The following HCN1 variants were observed in gnomAD, a reference collection of about 807,000 sequenced individuals.
HCN1 encodes potassium/sodium hyperpolarization-activated cyclic nucleotide-gated channel 1.
Under a neutral mutation model 78.9 loss-of-function variants are expected in HCN1, and 13 were observed. The ratio of observed to expected loss-of-function variants is 0.16; its 90% CI spans 0.11 to 0.26. HCN1 has a LOEUF of 0.26. Among genes scored for constraint, HCN1 ranks in the 10% least tolerant of loss-of-function variants. The pLI is 1.00. For synonymous variants in HCN1, 552 were observed against 455.5 expected (o/e 1.21, Z -2.70); for missense variants, 810 against 1,154.3 (o/e 0.70, Z 4.32).
intron 3 of HCN1, among the ~76,000 whole-genome samples, chr5:45,412,739 C>T (rs2112057732): frequency 7.2e-6 from 1 of 139,564 alleles, no homozygotes; most frequent in African/African-American, 2.7e-5. Flanking sequence ...CAGTAGGGTT[C>T]AGGTTGATCC....
intron 6 of HCN1, among the ~76,000 whole-genome samples, chr5:45,283,828 A>G (rs1363330004): frequency 6.6e-6 from 1 of 152,198 alleles, no homozygotes; most frequent in East Asian, 1.9e-4. Flanking sequence ...TCTACTATAA[A>G]GACACATGCA....
chr5:45,293,310 T>C (rs1745417823), intron 6 of HCN1, among the ~76,000 whole-genome samples: 1 of 151,988 alleles, frequency 6.6e-6, no homozygotes, highest in South Asian at 2.1e-4. Flanking sequence ...TGAGATGTTA[T>C]CTCATTGTGG....
rs1305213668 is a variant in HCN1 at position 45,257,890 on chromosome 5, A to C, written c.*4031T>G. On this transcript the variant is annotated 3_prime_UTR_variant, in exon 8 of 8. Transcript: ENST00000303230. Reference sequence around the variant, plus strand: ...CCTTAAATTTTTGGCCATTGTTTTCAGGACTCAAAATAGCTCAGCATTCCA... The same window carrying C: ...CCTTAAATTTTTGGCCATTGTTTTCCGGACTCAAAATAGCTCAGCATTCCA... 6.7e-6 allele frequency: 1 copy of C among 149,164 alleles called. No homozygotes were observed. Among genetic ancestry groups the C allele is most frequent in the Non-Finnish European group, 1.5e-5 (1 of 67,874 alleles). The allele number at this position is 149,164 out of a possible 1,614,324, so 9.2% of individuals were successfully genotyped here.
chr5:45,562,382 T>A (rs1324586294), intron 2 of HCN1, among the ~76,000 whole-genome samples: 1 of 152,128 alleles, frequency 6.6e-6, no homozygotes, highest in East Asian at 1.9e-4. Context: ...AAAATTTAGG[T>A]AAATTCTAGC....
intron 2 of HCN1, among the ~76,000 whole-genome samples, chr5:45,494,678 C>A (rs1421227828): frequency 6.6e-6 from 1 of 151,704 alleles, no homozygotes; most frequent in Admixed American, 6.6e-5. Context: ...CTTGCCCATG[C>A]CTATGTCCTG....
intron 5 of HCN1, among the ~76,000 whole-genome samples, chr5:45,347,025 C>A (rs1746734737): frequency 6.6e-6 from 1 of 152,332 alleles, no homozygotes; most frequent in East Asian, 1.9e-4. Flanking sequence ...GTTCTCCCAG[C>A]ACGCAGCTGG....
intron 4 of HCN1, among the ~76,000 whole-genome samples, chr5:45,371,765 A>AT (rs1163657289): frequency 2.3e-4 from 33 of 143,050 alleles, no homozygotes; most frequent in African/African-American, 8.4e-4. Flanking sequence ...TCAAAAAAAA[A>AT]AATATATATA....
chr5:45,351,272 G>A (rs1746895571), intron 5 of HCN1, among the ~76,000 whole-genome samples: 1 of 150,436 alleles, frequency 6.6e-6, no homozygotes, highest in Non-Finnish European at 1.5e-5. Context: ...ACAAGCAATG[G>A]GGAAAGGATT....
intron 5 of HCN1, among the ~76,000 whole-genome samples, chr5:45,324,933 CT>C (rs1019025781): frequency 1.3e-5 from 2 of 151,740 alleles, no homozygotes; most frequent in Admixed American, 1.3e-4. Context: ...GCTTCTACTC[CT>C]TTGGAGCAGT....
intron 6 of HCN1, among the ~76,000 whole-genome samples, chr5:45,303,260 C>T (rs1273723684): frequency 2.6e-5 from 4 of 152,112 alleles, no homozygotes; most frequent in Non-Finnish European, 5.9e-5. Flanking sequence ...GGAGAGGAAT[C>T]AGCTCCTCTT....
intron 2 of HCN1, among the ~76,000 whole-genome samples, chr5:45,526,857 CTGATAG>C (rs1165108576): frequency 2.6e-5 from 4 of 152,026 alleles, no homozygotes; most frequent in Admixed American, 1.3e-4. Context: ...GCCACAGAAG[CTGATAG>C]CATGTTATCA....
chr5:45,605,382 T>C (rs1006620842), intron 2 of HCN1, among the ~76,000 whole-genome samples: 4 of 151,962 alleles, frequency 2.6e-5, no homozygotes, highest in Non-Finnish European at 5.9e-5. Context: ...TGTAGCATTG[T>C]TTCTAATAGC....
At chr5:45,508,787 C>T (rs187560093) in intron 2 of HCN1, among the ~76,000 whole-genome samples, 2 of 152,036 alleles carry the variant, frequency 1.3e-5, no homozygotes, top group African/African-American at 4.8e-5. Flanking sequence ...TGCAAGTAGG[C>T]TATATTGTAT....
chr5:45,312,089 T>G (rs1313578441), intron 5 of HCN1, among the ~76,000 whole-genome samples: 1 of 152,218 alleles, frequency 6.6e-6, no homozygotes, highest in Non-Finnish European at 1.5e-5. Context: ...TTATGTCAGA[T>G]GTTTCTGGGA....
intron 2 of HCN1, among the ~76,000 whole-genome samples, chr5:45,574,149 T>C (rs934635899): frequency 1.3e-5 from 2 of 152,124 alleles, no homozygotes; most frequent in Non-Finnish European, 2.9e-5. Context: ...TTTTCAGGAA[T>C]ATCTTGGTTT....
chr5:45,594,119 C>T (rs964186466), intron 2 of HCN1, among the ~76,000 whole-genome samples: 1 of 152,136 alleles, frequency 6.6e-6, no homozygotes, highest in East Asian at 1.9e-4. Flanking sequence ...TTTCCCTTAG[C>T]GGAATGAAAG....
At chr5:45,405,337 A>C (rs1000927878) in intron 3 of HCN1, among the ~76,000 whole-genome samples, 2 of 152,202 alleles carry the variant, frequency 1.3e-5, no homozygotes, top group Non-Finnish European at 2.9e-5. Flanking sequence ...ATCTGTAAAC[A>C]GTTGGTCTTT....
chr5:45,396,170 A>T (rs1288371543), intron 4 of HCN1, among the ~76,000 whole-genome samples: 4 of 152,158 alleles, frequency 2.6e-5, no homozygotes, highest in African/African-American at 9.7e-5. Flanking sequence ...GGTTTATTTT[A>T]ACTATTGACA....
At chr5:45,606,777 A>G (rs746828053) in intron 2 of HCN1, among the ~76,000 whole-genome samples, 2 of 152,110 alleles carry the variant, frequency 1.3e-5, no homozygotes, top group African/African-American at 2.4e-5. Flanking sequence ...ATAACAAAAC[A>G]GTCATCACGA....
Sources: gnomAD v4.1 joint callset for allele counts (sites outside exome capture counted in the v4.1 genomes callset) on GRCh38, gnomAD v4.1.1 for gene constraint, MANE v1.5 for transcripts, NCBI Gene and HGNC (gene_info 2026-07-23, HGNC 2026-07-21) for gene names.